The following PTPN5 variants were observed in gnomAD, a reference collection of about 807,000 sequenced individuals.
The protein encoded by PTPN5 is protein tyrosine phosphatase non-receptor type 5.
PTPN5 carries 29 observed loss-of-function variants against 73.9 expected under a neutral mutation model. The observed-to-expected ratio is 0.39, with a 90% confidence interval of 0.29 to 0.54. The LOEUF is 0.54. PTPN5 is among the 20% of genes least tolerant of loss of function. PTPN5 has a pLI of 0.65. For synonymous variants in PTPN5, 267 were observed against 304.7 expected (o/e 0.88, Z 1.29); for missense variants, 652 against 751.4 (o/e 0.87, Z 1.55).
intron 3 of PTPN5, among the ~76,000 whole-genome samples, chr11:18,750,593 C>CAT (rs1849843751): frequency 6.6e-6 from 1 of 152,088 alleles, no homozygotes; most frequent in Non-Finnish European, 1.5e-5. Flanking sequence ...GGATGGAGGG[C>CAT]GATATAGGAG....
intron 1 of PTPN5, among the ~76,000 whole-genome samples, chr11:18,783,027 G>A (rs1026374294): frequency 6.6e-6 from 1 of 152,226 alleles, no homozygotes; most frequent in Admixed American, 6.5e-5. Context: ...GGACAGTGAT[G>A]TGGCACAGAA....
chr11:18,755,538 C>T (rs369983165), intron 3 of PTPN5, among the ~76,000 whole-genome samples: 21 of 150,918 alleles, frequency 1.4e-4, no homozygotes, highest in African/African-American at 4.9e-4. Flanking sequence ...TAAGAGGATG[C>T]GGGTTGCCCT....
intron 7 of PTPN5, among the ~76,000 whole-genome samples, chr11:18,741,695 A>G (rs1849372567): frequency 6.6e-6 from 1 of 152,118 alleles, no homozygotes; most frequent in Non-Finnish European, 1.5e-5. Flanking sequence ...GATGGCAACA[A>G]TAGAAACTGG....
rs183315128 is a variant in PTPN5 at position 18,784,766 on chromosome 11, C to G, written c.-114+6759G>C. ...AGAGCTGCATGTCCCTCTGCCACCC[C>G]TAGGGCTCTGTGACCTTGACCCCCT... On this transcript the variant is annotated intron_variant, in intron 1 of 14. Coordinates refer to ENST00000358540, the MANE Select transcript of PTPN5 (RefSeq NM_006906.2). Among the ~76,000 whole-genome samples, 272 of 152,226 alleles carry G rather than the reference C, an allele frequency of 1.8e-3. 1 individual carries two copies. The highest frequency in any genetic ancestry group is 6.3e-3 in the African/African-American group (261 of 41,532).
chr11:18,729,723 C>T lies in PTPN5; in HGVS notation c.1425G>A (p.Val475=). The T allele has an allele frequency of 1.3e-6, 2 of 1,596,994 alleles. No individual in the cohort carries two copies. Among genetic ancestry groups the T allele is most frequent in the South Asian group, 2.2e-5 (2 of 89,632 alleles). ...GCTGGGCTGCCTCCTCCACCTCCCG[C>T]ACCAGGTGCAGGAGTGGGGGGGCCC... ...PDRAPPLLHL[V]REVEEAAQQE... is the part of the protein sequence containing the mutation. The change falls in exon 13 of 15, where the codon GTG becomes GTA. Residue 475 remains valine, a synonymous_variant. Coordinates refer to ENST00000358540, the MANE Select transcript of PTPN5 (RefSeq NM_006906.2). This position sits in a 1 kb window ranked among gnomAD's most constrained non-coding sequence, Gnocchi z 5.2.
rs575160475 is a variant in PTPN5, at chr11:18,738,742, G to C, written c.916-778C>G. Among the ~76,000 whole-genome samples, 7 of 152,202 alleles carry C rather than the reference G, an allele frequency of 4.6e-5. No individual in the cohort carries two copies. The South Asian group carries it at 1.5e-3, about 32-fold the overall frequency. ...TAATCTCAGCACTTTGGGAGGCCGAGGCAGGCGGATCACAAAGTCAGGAGT... is the reference window on the plus strand; with the variant it reads ...TAATCTCAGCACTTTGGGAGGCCGACGCAGGCGGATCACAAAGTCAGGAGT... On this transcript the variant is annotated intron_variant, in intron 8 of 14. Transcript: ENST00000358540.
chr11:18,790,957 C>T (rs1851890892), intron 1 of PTPN5, among the ~76,000 whole-genome samples: 1 of 152,122 alleles, frequency 6.6e-6, no homozygotes, highest in Non-Finnish European at 1.5e-5. Flanking sequence ...GGCTCTGACC[C>T]GGGCAATCTC....
chr11:18,754,654 G>A (rs906641580), intron 3 of PTPN5, among the ~76,000 whole-genome samples: 1 of 152,080 alleles, frequency 6.6e-6, no homozygotes, highest in Non-Finnish European at 1.5e-5. Context: ...ATTTTGGAGT[G>A]GCCAATCATT....
intron 3 of PTPN5, among the ~76,000 whole-genome samples, chr11:18,757,867 C>T (rs375255337): frequency 1.3e-5 from 2 of 152,182 alleles, no homozygotes; most frequent in Non-Finnish European, 2.9e-5. Flanking sequence ...AGCTTGCTTT[C>T]GAACAGTTAG....
chr11:18,748,922 C>G (rs560558916), intron 3 of PTPN5, among the ~76,000 whole-genome samples: 4 of 152,262 alleles, frequency 2.6e-5, no homozygotes, highest in African/African-American at 4.8e-5. Flanking sequence ...CCACTGTGGT[C>G]CTAGGCCCGT....
chr11:18,774,113 G>A (rs1212902449), intron 1 of PTPN5, among the ~76,000 whole-genome samples: 3 of 152,240 alleles, frequency 2.0e-5, no homozygotes, highest in African/African-American at 7.2e-5. Flanking sequence ...TGTGGCTCTA[G>A]GAAAGTGTCT....
At position 18,732,668 on chromosome 11, in the gene PTPN5, G is replaced by A. The variant is rs367543224; in HGVS notation, c.1253C>T (p.Ala418Val). 28 of 1,613,674 alleles carry A rather than the reference G, an allele frequency of 1.7e-5. No homozygotes were observed. Among genetic ancestry groups the A allele is most frequent in the Non-Finnish European group, 2.4e-5 (28 of 1,179,996 alleles). Residue 418 changes from alanine to valine, a missense_variant, in exon 12 of 15, where the codon GCG becomes GTG. Ala to Val is a moderately conservative substitution (Grantham distance 64). Transcript: ENST00000358540. ...CTEYWPEEQV[A>V]YDGVEITVQK... ...CACAGTGATCTCAACACCGTCGTAC[G>A]CCACCTGCTCCTCCGGCCAATACTC... is the stretch of plus-strand genomic sequence containing the variant.
At chr11:18,779,129 C>T (rs1851304132) in intron 1 of PTPN5, among the ~76,000 whole-genome samples, 2 of 152,184 alleles carry the variant, frequency 1.3e-5, no homozygotes, top group African/African-American at 2.4e-5. Context: ...GGGCCCCTAG[C>T]TCCTGCCACA....
At position 18,737,861 on chromosome 11, in the gene PTPN5, T is replaced by C; in HGVS notation, c.1000+19A>G. ...GAAGCTGAGCCTGCCCCCATCCCTC[T>C]GGGACAGTGAGTACTCACTGGGAAG... On this transcript the variant is annotated intron_variant, in intron 9 of 14. Transcript: ENST00000358540. 1 of 1,603,030 alleles carries C rather than the reference T, an allele frequency of 6.2e-7. No individual in the cohort carries two copies. The highest frequency in any genetic ancestry group is 1.1e-5 in the South Asian group (1 of 90,844).
intron 2 of PTPN5, among the ~76,000 whole-genome samples, chr11:18,766,464 G>C (rs1247335453): frequency 6.6e-6 from 1 of 152,190 alleles, no homozygotes; most frequent in Non-Finnish European, 1.5e-5. Flanking sequence ...CTCTGCCCCA[G>C]GCAGTGAAAA....
Position 18,728,928 on chromosome 11 carries a change from G to T in PTPN5, c.*6C>A. On this transcript the variant is annotated 3_prime_UTR_variant, in exon 15 of 15. Transcript: ENST00000358540. This position sits in a 1 kb window ranked among gnomAD's most constrained non-coding sequence, Gnocchi z 4.1. ...GTGCCCAGAGAACCTTGTAGGAGAA[G>T]CGCAGTCATTCTGGGGACTGGTGGG... The T allele has an allele frequency of 6.2e-7, 1 of 1,612,236 alleles. No homozygotes were observed. Among genetic ancestry groups the T allele is most frequent in the Non-Finnish European group, 8.5e-7 (1 of 1,179,222 alleles).
intron 1 of PTPN5, among the ~76,000 whole-genome samples, chr11:18,785,149 A>G (rs921810594): frequency 6.6e-6 from 1 of 151,988 alleles, no homozygotes; most frequent in Non-Finnish European, 1.5e-5. Flanking sequence ...CACTGCACCA[A>G]GCTCCCTGTT....
chr11:18,768,979 G>C (rs113356256), intron 2 of PTPN5, among the ~76,000 whole-genome samples: 2 of 152,270 alleles, frequency 1.3e-5, no homozygotes, highest in African/African-American at 4.8e-5. Flanking sequence ...ACACTGGCCT[G>C]TGACAACAGC....
intron 5 of PTPN5, 123 bp downstream of exon 5, chr11:18,743,199 G>C (rs75444514): frequency 0.035 from 43,042 of 1,232,716 alleles, 966 homozygotes; most frequent in Non-Finnish European, 0.045. Context: ...GCAGGCAGAA[G>C]AACTTCAGGG....
Sources: allele counts gnomAD v4.1 joint callset (sites outside exome capture counted in the v4.1 genomes callset), GRCh38; gene constraint gnomAD v4.1.1; non-coding constraint Gnocchi (gnomAD v3.1); transcripts MANE v1.5; gene names NCBI Gene and HGNC (gene_info 2026-07-23, HGNC 2026-07-21).